Variants in DMD observed in about 807,000 individuals in gnomAD.
DMD encodes the protein mutant dystrophin.
DMD carries 63 observed loss-of-function variants against 330.1 expected under a neutral mutation model. The observed-to-expected ratio is 0.19, with a 90% confidence interval of 0.16 to 0.24. The LOEUF is 0.24. DMD is among the 10% of genes least tolerant of loss of function. The probability of loss-of-function intolerance (pLI) is 1.00; values close to 1 mark genes in which losing one functional copy is unlikely to be tolerated. For synonymous variants in DMD, 1,223 were observed against 959.8 expected (o/e 1.27, Z -5.07); for missense variants, 3,344 against 2,684.1 (o/e 1.25, Z -5.43).
chrX:32,597,957 G>A (rs1335010011), intron 12 of DMD, among the ~76,000 whole-genome samples: 2 of 112,080 alleles, frequency 1.8e-5, no homozygotes, highest in South Asian at 3.7e-4. Flanking sequence ...TCTGGCAAAC[G>A]TGCTGTCCCT....
chrX:32,587,584 T>A (rs2054442475), intron 13 of DMD, among the ~76,000 whole-genome samples: 1 of 111,548 alleles, frequency 9.0e-6, no homozygotes, highest in Admixed American at 9.6e-5. Context: ...TTCTACTAGA[T>A]AAGATTGGGC....
intron 60 of DMD, among the ~76,000 whole-genome samples, chrX:31,370,133 T>C (rs1435668899): frequency 2.8e-5 from 3 of 108,352 alleles, no homozygotes; most frequent in Admixed American, 9.8e-5. Flanking sequence ...GAGAAAATCT[T>C]TGGGATCCAG....
chrX:33,130,747 C>A (rs1308161053), intron 1 of DMD, among the ~76,000 whole-genome samples: 1 of 110,376 alleles, frequency 9.1e-6, no homozygotes, highest in East Asian at 2.8e-4. Context: ...GACGGGGTTT[C>A]TCCATGTTGG....
At chrX:32,238,420 T>TA (rs201797633) in intron 43 of DMD, among the ~76,000 whole-genome samples, 1,176 of 108,358 alleles carry the variant, frequency 0.011, 13 homozygotes, top group African/African-American at 0.038. Flanking sequence ...TCATGACATG[T>TA]GTTCCCACAG....
At chrX:32,570,073 T>A (rs1228951483) in intron 15 of DMD, among the ~76,000 whole-genome samples, 1 of 111,318 alleles carries the variant, frequency 9.0e-6, no homozygotes, top group East Asian at 2.8e-4. Context: ...CTAGAGCAAA[T>A]TAAATGTCAT....
intron 60 of DMD, among the ~76,000 whole-genome samples, chrX:31,351,157 T>TACACACACACAC (rs776501693): frequency 5.0e-5 from 4 of 79,887 alleles, no homozygotes; most frequent in African/African-American, 2.1e-4. Flanking sequence ...GACATACATA[T>TACACACACACAC]ATACACACAC....
rs1003279212 is a variant in DMD at position 31,379,995 on chromosome X, A to G, written c.9085-31361T>C. On this transcript the variant is annotated intron_variant, in intron 60 of 78. Coordinates refer to ENST00000357033, the MANE Select transcript of DMD (RefSeq NM_004006.3). ...AAGACTGACGCTGCCCGATTGCCTC[A>G]GAAGCCCCCTAGACCATCACAGATG... Among the ~76,000 whole-genome samples the G allele has an allele frequency of 1.7e-4, 19 of 111,547 alleles. 1 individual carries two copies. In the South Asian group the frequency reaches 4.6e-3, roughly 27 times the overall value.
chrX:31,979,675 G>T (rs1277576116), intron 44 of DMD, among the ~76,000 whole-genome samples: 1 of 112,099 alleles, frequency 8.9e-6, no homozygotes, highest in Non-Finnish European at 1.9e-5. Flanking sequence ...CAATTCAAAT[G>T]TTCTGCACTT....
chrX:33,300,323 T>C (rs1049913682), intron 1 of DMD, among the ~76,000 whole-genome samples: 4 of 112,566 alleles, frequency 3.6e-5, no homozygotes, highest in Non-Finnish European at 5.6e-5. Context: ...AATTCTTTGT[T>C]TTTAATGAAG....
chrX:32,287,801 T>C (rs1166905980), intron 42 of DMD, 100 bp from the exon 43 acceptor site: 1 of 573,350 alleles, frequency 1.7e-6, no homozygotes, highest in Admixed American at 4.5e-5. Flanking sequence ...TAGCAAATGG[T>C]GTTGCAATTC....
At chrX:33,224,149 A>G (rs898705884) in intron 1 of DMD, among the ~76,000 whole-genome samples, 8 of 112,440 alleles carry the variant, frequency 7.1e-5, no homozygotes, top group Non-Finnish European at 1.5e-4. Context: ...GTAAACTTGT[A>G]CAACCACTGA....
chrX:33,073,054 ATACAT>A (rs1162444172), intron 1 of DMD, among the ~76,000 whole-genome samples: 1 of 112,296 alleles, frequency 8.9e-6, no homozygotes, highest in Non-Finnish European at 1.9e-5. Context: ...TTTAACTGAT[ATACAT>A]AATCTTTCAC....
At chrX:32,569,472 G>C (rs2052146162) in intron 15 of DMD, among the ~76,000 whole-genome samples, 1 of 111,972 alleles carries the variant, frequency 8.9e-6, no homozygotes, top group South Asian at 3.7e-4. Flanking sequence ...TGAAAGGCTT[G>C]TTAGAATGCA....
intron 9 of DMD, among the ~76,000 whole-genome samples, chrX:32,651,851 C>G (rs1450128298): frequency 8.9e-6 from 1 of 112,067 alleles, no homozygotes; most frequent in African/African-American, 3.2e-5. Context: ...AGAAGCTGAG[C>G]AAAAAATAAA....
At chrX:32,521,772 T>G (rs1239716229) in intron 17 of DMD, among the ~76,000 whole-genome samples, 1 of 112,273 alleles carries the variant, frequency 8.9e-6, no homozygotes, top group Admixed American at 9.4e-5. Context: ...ATATTTGTTA[T>G]CTTCATCTCC....
chrX:31,599,372 T>C (rs1363896897), intron 55 of DMD, among the ~76,000 whole-genome samples: 1 of 112,135 alleles, frequency 8.9e-6, no homozygotes, highest in African/African-American at 3.2e-5. Flanking sequence ...GAATTAGAAG[T>C]TCATTCTATT....
At chrX:31,653,650 TAA>T (rs759710276) in intron 54 of DMD, among the ~76,000 whole-genome samples, 2 of 111,660 alleles carry the variant, frequency 1.8e-5, no homozygotes, top group South Asian at 7.5e-4. Flanking sequence ...AGTGTCATCA[TAA>T]AGTCATCAGC....
chrX:32,078,320 A>G (rs903132720), intron 44 of DMD, among the ~76,000 whole-genome samples: 6 of 111,571 alleles, frequency 5.4e-5, no homozygotes, highest in Non-Finnish European at 1.1e-4. Context: ...AGTCGCTTCA[A>G]TCTCTCCAGT....
At chrX:31,247,349 C>A (rs982890747) in intron 63 of DMD, among the ~76,000 whole-genome samples, 3 of 111,148 alleles carry the variant, frequency 2.7e-5, no homozygotes, top group African/African-American at 9.8e-5. Flanking sequence ...CGGCTGTAAT[C>A]CCAGCACTTT....
Sources: gnomAD v4.1 joint callset for allele counts (sites outside exome capture counted in the v4.1 genomes callset) on GRCh38, gnomAD v4.1.1 for gene constraint, MANE v1.5 for transcripts, NCBI Gene and HGNC (gene_info 2026-07-23, HGNC 2026-07-21) for gene names.